The following ERBB2 variants were observed in gnomAD, a reference collection of about 807,000 sequenced individuals.
The protein encoded by ERBB2 is erb-b2 receptor tyrosine kinase 2.
ERBB2 carries 61 observed loss-of-function variants against 149.0 expected under a neutral mutation model. The ratio of observed to expected loss-of-function variants is 0.41; its 90% CI spans 0.33 to 0.51. The LOEUF (loss-of-function observed/expected upper bound fraction) is 0.51. ERBB2 is among the 20% of genes least tolerant of loss of function. The probability of loss-of-function intolerance (pLI) is 0.25; values close to 1 mark genes in which losing one functional copy is unlikely to be tolerated. For synonymous variants in ERBB2, 633 were observed against 678.8 expected, an observed-to-expected ratio of 0.93 and a Z score of 1.05; for missense variants, 1,205 against 1,655.1, an observed-to-expected ratio of 0.73 and a Z score of 4.72.
upstream of ERBB2, chr17:39,699,653 A>AT (rs1397854808): frequency 1.9e-6 from 2 of 1,032,402 alleles, no homozygotes; most frequent in African/African-American, 3.2e-5. Flanking sequence ...GAAAACCATT[A>AT]TTTGATATTA....
At chr17:39,691,934 C>CATATATAT (rs57592884), upstream of ERBB2, among the ~76,000 whole-genome samples, 4,777 of 120,746 alleles carry the variant, frequency 0.04, 120 homozygotes, top group Non-Finnish European at 0.055. Flanking sequence ...TATACATATA[C>CATATATAT]ATATATATAT....
Position 39,719,821 on chromosome 17 carries a change from G to A in ERBB2, c.1933G>A (p.Glu645Lys), listed in dbSNP as rs370514427. 33 of 1,614,058 alleles carry A rather than the reference G, an allele frequency of 2.0e-5. No individual in the cohort carries two copies. The highest frequency in any genetic ancestry group is 2.7e-5 in the African/African-American group (2 of 74,936). ...VDLDDKGCPA[E>K]QRASPLTSII... is the part of the protein sequence containing the mutation. Reference sequence around the variant, plus strand: ...CCTGGATGACAAGGGCTGCCCCGCCGAGCAGAGAGCCAGGTTGGCCTGGAC... The same window carrying A: ...CCTGGATGACAAGGGCTGCCCCGCCAAGCAGAGAGCCAGGTTGGCCTGGAC... The change falls in exon 16 of 27, where the codon GAG becomes AAG. Residue 645 changes from glutamate (E) to lysine (K), a missense_variant. Around this residue, in one of 6 missense-constraint regions of ERBB2, gnomAD observed 569 missense variants for 803.5 expected, o/e 0.71. Coordinates refer to ENST00000269571, the MANE Select transcript of ERBB2 (RefSeq NM_004448.4).
In ERBB2 at chr17:39,725,883, G is replaced by C. The variant is rs1247176040; in HGVS notation, c.2872+30G>C. 1 of 1,611,322 alleles carries C rather than the reference G, an allele frequency of 6.2e-7. No individual in the cohort carries two copies. On this transcript the variant is annotated intron_variant, in intron 23 of 26. Coordinates refer to ENST00000269571, the MANE Select transcript of ERBB2 (RefSeq NM_004448.4). This position sits in a 1 kb window ranked among gnomAD's most constrained non-coding sequence, Gnocchi z 4.6. ...GTGGCTGAGCTGTGCTGGCTGCCTG[G>C]AGGAGGGTGGGAGGTCCTGGGTGGA...
At chr17:39,700,876 C>T (rs1248261942) in intron 1 of ERBB2, among the ~76,000 whole-genome samples, 14 of 152,002 alleles carry the variant, frequency 9.2e-5, no homozygotes, top group African/African-American at 3.4e-4. Flanking sequence ...CAACCAGAGC[C>T]GGGGAGGAAA....
intron 15 of ERBB2, 85 bp downstream of exon 15, chr17:39,717,565 T>A (rs1465631255): frequency 1.0e-5 from 11 of 1,078,386 alleles, no homozygotes; most frequent in Non-Finnish European, 1.3e-5. Context: ...GGGGACCAAC[T>A]CTCCCTTTGT....
chr17:39,710,412 A>G lies in ERBB2; in HGVS notation c.832A>G (p.Thr278Ala). 6.2e-7 allele frequency: 1 copy of G among 1,614,050 alleles called. No homozygotes were observed. The highest frequency in any genetic ancestry group is 1.3e-5 in the African/African-American group (1 of 75,030). Residue 278 changes from threonine to alanine, a missense_variant, in exon 7 of 27, where the codon ACG becomes GCG. Coordinates refer to ENST00000269571, the MANE Select transcript of ERBB2 (RefSeq NM_004448.4). ...AGCCCTGGTCACCTACAACACAGAC[A>G]CGTTTGAGTCCATGCCCAATCCCGA... Reference protein sequence around the residue: ...CPALVTYNTDTFESMPNPEGR... With the variant: ...CPALVTYNTDAFESMPNPEGR...
At position 39,727,287 on chromosome 17, in the gene ERBB2, G is replaced by C. The variant is rs375655626; in HGVS notation, c.3160-8G>C. On this transcript the variant is annotated splice_region_variant and splice_polypyrimidine_tract_variant and intron_variant, in intron 25 of 26. Coordinates refer to ENST00000269571, the MANE Select transcript of ERBB2 (RefSeq NM_004448.4). This position sits in a 1 kb window ranked among gnomAD's most constrained non-coding sequence, Gnocchi z 4.3. ...GACCCCCATCATGACTTTCTTTCTT[G>C]TCCCCAGAGTGGCGGTGGGGACCTG... The C allele has an allele frequency of 6.2e-7, 1 of 1,611,636 alleles. No individual in the cohort carries two copies. Among genetic ancestry groups the C allele is most frequent in the South Asian group, 1.1e-5 (1 of 90,786 alleles).
At position 39,710,479 on chromosome 17, in the gene ERBB2, C is replaced by G. The variant is rs1191408638; in HGVS notation, c.899C>G (p.Pro300Arg). 3.7e-6 allele frequency: 6 copies of G among 1,613,790 alleles called. No individual in the cohort carries two copies. Among genetic ancestry groups the G allele is most frequent in the African/African-American group, 1.3e-5 (1 of 74,944 alleles). The change falls in exon 7 of 27, where the codon CCC becomes CGC. Residue 300 changes from proline (P) to arginine (R), a missense_variant and splice_region_variant. Pro to Arg is a moderately radical substitution (Grantham distance 103). Around this residue, in one of 6 missense-constraint regions of ERBB2, gnomAD observed 569 missense variants for 803.5 expected, o/e 0.71. Transcript: ENST00000269571. Reference protein sequence around the residue: ...TFGASCVTACPYNYLSTDVGS... With the variant: ...TFGASCVTACRYNYLSTDVGS... ...GGCGCCAGCTGTGTGACTGCCTGTC[C>G]CTGTGAGTGCCAGGGAGAAACACAG...
rs2145515670 is a variant in ERBB2, at chr17:39,710,326, A to G, written c.760-14A>G. 1 of 1,613,914 alleles carries G rather than the reference A, an allele frequency of 6.2e-7. No individual in the cohort carries two copies. Among genetic ancestry groups the G allele is most frequent in the East Asian group, 2.2e-5 (1 of 44,866 alleles). ...CAAAACAGCACAGTGAAAGCCAGCC[A>G]CCTGTCCCCCCAGGCCTGCCTCCAC... On this transcript the variant is annotated splice_polypyrimidine_tract_variant and intron_variant, in intron 6 of 26. Transcript: ENST00000269571.
intron 5 of ERBB2, 69 bp from the exon 6 acceptor site, chr17:39,710,017 A>G: frequency 6.6e-7 from 1 of 1,514,662 alleles, no homozygotes; most frequent in South Asian, 1.1e-5. Context: ...GTCTCCCTAG[A>G]AGGTGATGCT....
chr17:39,694,087 G>A (rs1187179330), upstream of ERBB2, among the ~76,000 whole-genome samples: 13 of 142,238 alleles, frequency 9.1e-5, no homozygotes, highest in African/African-American at 2.9e-4. Context: ...CCAGCTACTC[G>A]GAAGGCTGAG....
Position 39,726,496 on chromosome 17 carries a change from T to G in ERBB2, c.2873-66T>G. On this transcript the variant is annotated intron_variant, in intron 23 of 26. Coordinates refer to ENST00000269571, the MANE Select transcript of ERBB2 (RefSeq NM_004448.4). The surrounding 1 kb of genome is among the most constrained non-coding windows in gnomAD (Gnocchi z 5.1). ...TGTCTAGACCAGACTGGAGGGGGAG[T>G]GGGAGGGGAGAGGCAGCAAGCACAC... 7.5e-7 allele frequency: 1 copy of G among 1,340,726 alleles called. No individual in the cohort carries two copies. Among genetic ancestry groups the G allele is most frequent in the Non-Finnish European group, 1.1e-6 (1 of 936,882 alleles). The allele number at this position is 1,340,726 out of a possible 1,614,324, so 83.1% of individuals were successfully genotyped here.
intron 4 of ERBB2, 35 bp downstream of exon 4, chr17:39,709,487 A>G (rs2145479475): frequency 3.1e-6 from 5 of 1,612,222 alleles, no homozygotes; most frequent in Non-Finnish European, 3.4e-6. Flanking sequence ...CTCTTCTCTC[A>G]GACAGCCTGA....
Position 39,700,223 on chromosome 17 carries a change from A to C in ERBB2, c.-16A>C, listed in dbSNP as rs988391466. 1.2e-5 allele frequency: 17 copies of C among 1,440,448 alleles called. No homozygotes were observed. Among genetic ancestry groups the C allele is most frequent in the Non-Finnish European group, 1.5e-5 (16 of 1,101,224 alleles). The allele number at this position is 1,440,448 out of a possible 1,614,324, so 89.2% of individuals were successfully genotyped here. The stretch of plus-strand genomic sequence containing the variant: ...GGTCCAGCCGGAGCCATGGGGCCGG[A>C]GCCGCAGTGAGCACCATGGAGCTGG... On this transcript the variant is annotated 5_prime_UTR_variant, in exon 1 of 27. Transcript: ENST00000269571.
At chr17:39,691,900 G>T (rs71383379), upstream of ERBB2, among the ~76,000 whole-genome samples, 2,206 of 109,084 alleles carry the variant, frequency 0.02, 23 homozygotes, top group Middle Eastern at 0.036. Flanking sequence ...TATAGATATA[G>T]ATATATATAC....
intron 7 of ERBB2, among the ~76,000 whole-genome samples, chr17:39,711,166 C>T (rs1025119484): frequency 6.6e-6 from 1 of 151,650 alleles, no homozygotes; most frequent in African/African-American, 2.4e-5. Context: ...TCTGAAAGTG[C>T]TGGGATTACA....
chr17:39,691,904 T>G (rs71383380), upstream of ERBB2, among the ~76,000 whole-genome samples: 48 of 114,458 alleles, frequency 4.2e-4, no homozygotes, highest in African/African-American at 1.5e-3. Context: ...GATATAGATA[T>G]ATATACATAT....
At chr17:39,696,162 G>A (rs148962888), upstream of ERBB2, among the ~76,000 whole-genome samples, 90 of 152,228 alleles carry the variant, frequency 5.9e-4, no homozygotes, top group Non-Finnish European at 8.8e-4. Context: ...AATCAGCAGC[G>A]CCCACCCCTG....
Position 39,710,444 on chromosome 17 carries a change from G to A in ERBB2, c.864G>A (p.Arg288=), listed in dbSNP as rs1344559066. 2 of 1,614,044 alleles carry A rather than the reference G, an allele frequency of 1.2e-6. No individual in the cohort carries two copies. The highest frequency in any genetic ancestry group is 4.5e-5 in the East Asian group (2 of 44,882). Residue 288 remains arginine, a synonymous_variant, in exon 7 of 27, where the codon CGG becomes CGA. Coordinates refer to ENST00000269571, the MANE Select transcript of ERBB2 (RefSeq NM_004448.4). ...AGTCCATGCCCAATCCCGAGGGCCG[G>A]TATACATTCGGCGCCAGCTGTGTGA... ...TFESMPNPEG[R]YTFGASCVTA... is the part of the protein sequence containing the mutation.
Sources: gnomAD v4.1 joint callset for allele counts (sites outside exome capture counted in the v4.1 genomes callset) on GRCh38, gnomAD v4.1.1 for gene constraint, gnomAD v4.1.1 regional missense constraint, Gnocchi (gnomAD v3.1) non-coding constraint, MANE v1.5 for transcripts, NCBI Gene and HGNC (gene_info 2026-07-23, HGNC 2026-07-21) for gene names.